COL5A2: variants seen among roughly 807,000 people sequenced by gnomAD.
The protein encoded by COL5A2 is collagen alpha-2(V) chain.
Under a neutral mutation model 208.2 loss-of-function variants are expected in COL5A2, and 23 were observed. That is an observed-to-expected ratio of 0.11 (90% CI 0.08 to 0.16). The LOEUF is 0.16. Among genes scored for constraint, COL5A2 ranks in the 10% least tolerant of loss-of-function variants. The pLI is 1.00. For missense variants in COL5A2, 1,590 were observed against 1,956.4 expected, an observed-to-expected ratio of 0.81 and a Z score of 3.53; for synonymous variants, 625 against 628.5, an observed-to-expected ratio of 0.99 and a Z score of 0.08.
chr2:189,433,532 C>T, the COL5A2 span, among the ~76,000 whole-genome samples: 2 of 152,034 alleles, frequency 1.3e-5, no homozygotes, highest in Non-Finnish European at 1.5e-5. Context: ...TACAAAGTAC[C>T]ATCAGAGAAT....
the COL5A2 span, among the ~76,000 whole-genome samples, chr2:189,271,411 G>A: frequency 6.6e-6 from 1 of 152,120 alleles, no homozygotes; most frequent in Admixed American, 6.6e-5. Flanking sequence ...ATGGGGAAAG[G>A]ATTCCCTATT....
chr2:189,155,042 C>T (rs1688217885), intron 1 of COL5A2, among the ~76,000 whole-genome samples: 1 of 152,108 alleles, frequency 6.6e-6, no homozygotes, highest in Non-Finnish European at 1.5e-5. Context: ...TGCAGTGGCA[C>T]AATCAGAGCT....
chr2:189,156,687 G>A (rs1235064710), intron 1 of COL5A2, among the ~76,000 whole-genome samples: 1 of 152,078 alleles, frequency 6.6e-6, no homozygotes, highest in African/African-American at 2.4e-5. Flanking sequence ...CCAAAAATAT[G>A]TATTGACATT....
chr2:189,254,256 T>C, the COL5A2 span, among the ~76,000 whole-genome samples: 1 of 151,020 alleles, frequency 6.6e-6, no homozygotes, highest in African/African-American at 2.4e-5. Flanking sequence ...GCAAACGTCA[T>C]GCTATAATTT....
intron 1 of COL5A2, among the ~76,000 whole-genome samples, chr2:189,152,098 CTGCTT>C (rs1275387620): frequency 6.6e-6 from 1 of 152,190 alleles, no homozygotes. Context: ...GCCATCTACT[CTGCTT>C]TAAGTACTTC....
At chr2:189,298,180 G>A in the COL5A2 span, among the ~76,000 whole-genome samples, 1 of 152,280 alleles carries the variant, frequency 6.6e-6, no homozygotes, top group Admixed American at 6.5e-5. Context: ...TAGGGAAAAT[G>A]GAGAGGGAGA....
At chr2:189,416,138 T>C in the COL5A2 span, among the ~76,000 whole-genome samples, 8 of 152,326 alleles carry the variant, frequency 5.3e-5, no homozygotes. Flanking sequence ...TCAACCATTG[T>C]GGAAGTCAGT....
intron 8 of COL5A2, 46 bp downstream of exon 8, chr2:189,088,649 T>G: frequency 7.0e-7 from 1 of 1,426,566 alleles, no homozygotes; most frequent in Non-Finnish European, 9.9e-7. Context: ...TTTAAAATAA[T>G]TTTTTTCACT....
the COL5A2 span, among the ~76,000 whole-genome samples, chr2:189,407,245 G>C: frequency 6.6e-6 from 1 of 152,174 alleles, no homozygotes. Context: ...TAGTTAAAAA[G>C]GTAAATGATG....
At chr2:189,363,643 T>C in the COL5A2 span, among the ~76,000 whole-genome samples, 1 of 151,958 alleles carries the variant, frequency 6.6e-6, no homozygotes, top group Non-Finnish European at 1.5e-5. Context: ...AAAAGTATGG[T>C]ACTAACAGCC....
At chr2:189,137,081 G>A (rs13013089) in intron 1 of COL5A2, among the ~76,000 whole-genome samples, 117,518 of 152,104 alleles carry the variant, frequency 0.77, 48,808 homozygotes, top group South Asian at 0.91. Flanking sequence ...TTAATCTACA[G>A]TTAACAAATG....
At chr2:189,286,211 C>T in the COL5A2 span, among the ~76,000 whole-genome samples, 1 of 152,118 alleles carries the variant, frequency 6.6e-6, no homozygotes. Context: ...TGCATCCTAA[C>T]TGTCCATTTT....
chr2:189,313,743 G>A, the COL5A2 span, among the ~76,000 whole-genome samples: 1 of 152,154 alleles, frequency 6.6e-6, no homozygotes, highest in Non-Finnish European at 1.5e-5. Flanking sequence ...AAGGGATGGA[G>A]GAAAATCTAC....
chr2:189,284,894 T>C, the COL5A2 span, among the ~76,000 whole-genome samples: 2 of 152,156 alleles, frequency 1.3e-5, no homozygotes, highest in African/African-American at 2.4e-5. Flanking sequence ...CCTTGTTATG[T>C]GGCACATGAC....
intron 38 of COL5A2, 87 bp from the exon 39 acceptor site, chr2:189,053,105 T>A (rs1685827274): frequency 9.3e-7 from 1 of 1,073,142 alleles, no homozygotes; most frequent in Non-Finnish European, 1.4e-6. Flanking sequence ...TATCAATTAA[T>A]CATATATTGT....
chr2:189,317,329 A>C, the COL5A2 span, among the ~76,000 whole-genome samples: 1 of 152,060 alleles, frequency 6.6e-6, no homozygotes, highest in Admixed American at 6.5e-5. Context: ...TATAAGAAAC[A>C]CTCATTTGAT....
At chr2:189,346,310 A>C in the COL5A2 span, among the ~76,000 whole-genome samples, 9 of 152,218 alleles carry the variant, frequency 5.9e-5, no homozygotes, top group African/African-American at 2.2e-4. Context: ...CAAGGATAGA[A>C]AATAGACAGC....
chr2:189,118,759 G>A (rs1378412038), intron 1 of COL5A2, among the ~76,000 whole-genome samples: 2 of 152,034 alleles, frequency 1.3e-5, no homozygotes, highest in Non-Finnish European at 2.9e-5. Context: ...TATCCTCTTG[G>A]AAATATCTAG....
chr2:189,428,994 A>C, the COL5A2 span, among the ~76,000 whole-genome samples: 3 of 152,164 alleles, frequency 2.0e-5, no homozygotes, highest in African/African-American at 7.2e-5. Flanking sequence ...GTCAAAGAAC[A>C]CAAAATTACA....
Sources: allele counts gnomAD v4.1 joint callset (sites outside exome capture counted in the v4.1 genomes callset), GRCh38; gene constraint gnomAD v4.1.1; transcripts MANE v1.5; gene names NCBI Gene and HGNC (gene_info 2026-07-23, HGNC 2026-07-21).